Variants in PLEKHM1 observed in about 807,000 individuals in gnomAD.
The protein encoded by PLEKHM1 is pleckstrin homology domain-containing family M member 1.
In PLEKHM1, 28 loss-of-function variants were observed where a neutral mutation model predicts 94.3. The ratio of observed to expected loss-of-function variants is 0.30; its 90% CI spans 0.22 to 0.41. PLEKHM1 has a LOEUF of 0.41. PLEKHM1 is among the 10% of genes least tolerant of loss of function. PLEKHM1 has a pLI of 1.00. For synonymous variants in PLEKHM1, 424 were observed against 581.2 expected (o/e 0.73, Z 3.89); for missense variants, 907 against 1,358.6 (o/e 0.67, Z 5.22).
intron 10 of PLEKHM1, 122 bp downstream of exon 10, chr17:45,440,041 A>C: frequency 1.0e-6 from 1 of 954,336 alleles, no homozygotes; most frequent in South Asian, 1.3e-5. Context: ...AGCTGCAGAA[A>C]AGCTACAGAC....
rs1422702791 is a variant in PLEKHM1, at chr17:45,458,294, G to T, written c.1454C>A (p.Pro485Gln). 9 of 1,612,838 alleles carry T rather than the reference G, an allele frequency of 5.6e-6. No individual in the cohort carries two copies. The highest frequency in any genetic ancestry group is 3.4e-6 in the Non-Finnish European group (4 of 1,179,414). The change falls in exon 6 of 12, where the codon CCA (proline) becomes CAA (glutamine). Residue 485 changes from proline to glutamine, a missense_variant. Transcript: ENST00000430334. ...PGLHRHFSQE[P>Q]RKNCSLGALD... Reference sequence around the variant, plus strand: ...CGCCCCCAGGGAGCAGTTTTTTCTTGGTTCTTGAGAAAAATGCCTGTGGAG... The same window carrying T: ...CGCCCCCAGGGAGCAGTTTTTTCTTTGTTCTTGAGAAAAATGCCTGTGGAG...
Position 45,436,480 on chromosome 17 carries a change from C to T in PLEKHM1, c.*1378G>A. 2.2e-6 allele frequency: 1 copy of T among 453,710 alleles called. No individual in the cohort carries two copies. Among genetic ancestry groups the T allele is most frequent in the Non-Finnish European group, 4.4e-6 (1 of 226,496 alleles). 28.1% of individuals were successfully genotyped at this position (453,710 alleles called of 1,614,324 possible). On this transcript the variant is annotated 3_prime_UTR_variant, in exon 12 of 12. Transcript: ENST00000430334. ...CAGGGAAGGGTGGGGGTGGGCTCAT[C>T]TCTGACAGTGACATGCGGCTCTCCA...
chr17:45,482,971 G>A (rs2052002927), intron 1 of PLEKHM1, among the ~76,000 whole-genome samples: 1 of 151,776 alleles, frequency 6.6e-6, no homozygotes, highest in Non-Finnish European at 1.5e-5. Flanking sequence ...TCAGGGGCTG[G>A]GTCCTGCAAC....
At chr17:45,462,584 G>A (rs544423254) in intron 5 of PLEKHM1, among the ~76,000 whole-genome samples, 14 of 152,062 alleles carry the variant, frequency 9.2e-5, no homozygotes, top group Non-Finnish European at 2.9e-5. Context: ...GGCCCCTACT[G>A]GGATCCCACA....
chr17:45,479,517 CAAAA>C (rs55781182), intron 2 of PLEKHM1, among the ~76,000 whole-genome samples: 3 of 86,368 alleles, frequency 3.5e-5, no homozygotes, highest in South Asian at 3.8e-4. Flanking sequence ...GACTCCGCCT[CAAAA>C]AAAAAAAAAA....
intron 1 of PLEKHM1, among the ~76,000 whole-genome samples, chr17:45,483,558 A>G (rs1222742265): frequency 3.3e-5 from 5 of 152,044 alleles, no homozygotes; most frequent in Non-Finnish European, 7.4e-5. Context: ...CACGTAAACA[A>G]ATCTCTAGCC....
At chr17:45,485,437 C>T (rs998608088) in intron 1 of PLEKHM1, among the ~76,000 whole-genome samples, 31 of 152,256 alleles carry the variant, frequency 2.0e-4, no homozygotes, top group African/African-American at 7.0e-4. Context: ...TAACCAGCTA[C>T]AGGGCCGGGA....
chr17:45,440,114 G>A (rs1597909966), intron 10 of PLEKHM1, 49 bp downstream of exon 10: 1 of 1,521,634 alleles, frequency 6.6e-7, no homozygotes, highest in Non-Finnish European at 9.1e-7. Flanking sequence ...ACTTCTCTGG[G>A]AATGAAGTCT....
chr17:45,452,862 C>T (rs1375873587), intron 7 of PLEKHM1: 1 of 198,332 alleles, frequency 5.0e-6, no homozygotes. Flanking sequence ...CACTACATGG[C>T]TCGCAGCTAT....
downstream of PLEKHM1, among the ~76,000 whole-genome samples, chr17:45,434,877 G>A (rs961134434): frequency 6.7e-6 from 1 of 148,754 alleles, no homozygotes; most frequent in African/African-American, 2.5e-5. Flanking sequence ...GCTGAGGCAG[G>A]AGAATTGCTT....
intron 4 of PLEKHM1, among the ~76,000 whole-genome samples, chr17:45,469,749 A>C (rs1208021739): frequency 6.6e-6 from 1 of 152,208 alleles, no homozygotes; most frequent in Non-Finnish European, 1.5e-5. Context: ...CATTATGGTC[A>C]AGAATAGGTG....
Position 45,475,438 on chromosome 17 carries a change from C to G in PLEKHM1, c.585G>C (p.Leu195=), listed in dbSNP as rs747369514. ...LNEWTLTPLA[L]SGLCPLSELD... is the part of the protein sequence containing the mutation. ...GCTCAGAAAGCGGGCAAAGCCCAGA[C>G]AGGGCCAATGGGGTGAGCGTCCACT... is the stretch of plus-strand genomic sequence containing the variant. Residue 195 remains leucine (L), a synonymous_variant, in exon 4 of 12, where the codon CTG becomes CTC. Coordinates refer to ENST00000430334, the MANE Select transcript of PLEKHM1 (RefSeq NM_014798.3). 1.0e-5 allele frequency: 16 copies of G among 1,599,150 alleles called. No homozygotes were observed. Among genetic ancestry groups the G allele is most frequent in the African/African-American group, 1.3e-5 (1 of 74,988 alleles).
In PLEKHM1 at chr17:45,445,422, T is replaced by C. The variant is rs779311997; in HGVS notation, c.2837+48A>G. The C allele has an allele frequency of 5.8e-5, 89 of 1,532,446 alleles. No homozygotes were observed. Among genetic ancestry groups the C allele is most frequent in the Non-Finnish European group, 7.4e-5 (82 of 1,106,152 alleles). The allele number at this position is 1,532,446 out of a possible 1,614,324, so 94.9% of individuals were successfully genotyped here. A position where few individuals can be genotyped will look rare whatever the true frequency, so the allele number is the denominator to read the frequency against. The stretch of plus-strand genomic sequence containing the variant: ...ATAAGTATGTGTTTGTGTGCATGCA[T>C]GTGCGTGTGTACGTGCACTCACACG... On this transcript the variant is annotated intron_variant, in intron 9 of 11. Transcript: ENST00000430334. This position sits in a 1 kb window ranked among gnomAD's most constrained non-coding sequence, Gnocchi z 4.2.
intron 5 of PLEKHM1, chr17:45,460,326 C>A (rs1294725095): frequency 6.6e-6 from 1 of 152,038 alleles, no homozygotes; most frequent in Non-Finnish European, 1.5e-5. Flanking sequence ...ATGGTGCAAT[C>A]TCAGCTCACT....
chr17:45,467,668 G>T (rs1212857172), intron 5 of PLEKHM1, among the ~76,000 whole-genome samples: 1 of 152,196 alleles, frequency 6.6e-6, no homozygotes, highest in African/African-American at 2.4e-5. Flanking sequence ...GGCTGAGGCA[G>T]GAGAATTGCT....
Position 45,437,911 on chromosome 17 carries a change from A to C in PLEKHM1, c.3118T>G (p.Cys1040Gly). The C allele has an allele frequency of 1.9e-6, 3 of 1,613,928 alleles. No homozygotes were observed. Among genetic ancestry groups the C allele is most frequent in the Non-Finnish European group, 2.5e-6 (3 of 1,180,038 alleles). ...QSCQAVVKKGCPRCARRRKYQ... is the reference protein window; with the variant it reads ...QSCQAVVKKGGPRCARRRKYQ... ...TTGCGCCGGCGGGCACAGCGGGGGC[A>C]GCCCTTCTTCACCACAGCCTGGCAG... Residue 1040 changes from cysteine (C) to glycine (G), a missense_variant, in exon 12 of 12, where the codon TGC (cysteine) becomes GGC (glycine). This residue lies in a region of PLEKHM1 where 254 missense variants were observed against 451.1 expected (regional missense o/e 0.56). Transcript: ENST00000430334. The surrounding 1 kb of genome is among the most constrained non-coding windows in gnomAD (Gnocchi z 4.0).
At chr17:45,456,770 T>A (rs1487763592) in intron 6 of PLEKHM1, among the ~76,000 whole-genome samples, 1 of 152,264 alleles carries the variant, frequency 6.6e-6, no homozygotes, top group Non-Finnish European at 1.5e-5. Context: ...TAGAGCGTAC[T>A]TTTTTTGTTT....
intron 5 of PLEKHM1, chr17:45,459,502 C>A: frequency 6.6e-6 from 1 of 151,290 alleles, no homozygotes; most frequent in Non-Finnish European, 1.5e-5. Flanking sequence ...CTCGATCCAC[C>A]ACATTTGGCT....
intron 1 of PLEKHM1, among the ~76,000 whole-genome samples, chr17:45,483,273 T>C (rs1177081850): frequency 2.6e-5 from 4 of 152,052 alleles, no homozygotes; most frequent in Non-Finnish European, 5.9e-5. Flanking sequence ...CCTGATATGT[T>C]GTACCTGGCA....
Sources: allele counts gnomAD v4.1 joint callset (sites outside exome capture counted in the v4.1 genomes callset), GRCh38; gene constraint gnomAD v4.1.1; regional missense constraint gnomAD v4.1.1; non-coding constraint Gnocchi (gnomAD v3.1); transcripts MANE v1.5; gene names NCBI Gene and HGNC (gene_info 2026-07-23, HGNC 2026-07-21).